MACROD2: variants seen among roughly 807,000 people sequenced by gnomAD.
MACROD2 encodes mono-ADP ribosylhydrolase 2, also known as ADP-ribose glycohydrolase MACROD2.
In MACROD2, 36 loss-of-function variants were observed where a neutral mutation model predicts 70.4. The ratio of observed to expected loss-of-function variants is 0.51; its 90% CI spans 0.39 to 0.68. The LOEUF is 0.68. Ranked by LOEUF, MACROD2 falls within the 30% of genes least tolerant of loss-of-function variation. The probability of loss-of-function intolerance (pLI) is 0.00; values close to 1 mark genes in which losing one functional copy is unlikely to be tolerated. For synonymous variants in MACROD2, 172 were observed against 178.8 expected, an observed-to-expected ratio of 0.96 and a Z score of 0.30; for missense variants, 496 against 538.4, an observed-to-expected ratio of 0.92 and a Z score of 0.78.
intron 3 of MACROD2, among the ~76,000 whole-genome samples, chr20:14,355,565 A>G (rs1215262849): frequency 6.9e-6 from 1 of 145,160 alleles, no homozygotes; most frequent in African/African-American, 2.5e-5. Flanking sequence ...GTAACCATTT[A>G]TGTGGTTTTT....
chr20:14,649,095 C>T (rs1985543672), intron 4 of MACROD2, among the ~76,000 whole-genome samples: 1 of 152,176 alleles, frequency 6.6e-6, no homozygotes, highest in African/African-American at 2.4e-5. Flanking sequence ...TCAGTGTCCT[C>T]CATACTTAGG....
chr20:14,452,399 T>C (rs2084255092), intron 3 of MACROD2, among the ~76,000 whole-genome samples: 1 of 152,102 alleles, frequency 6.6e-6, no homozygotes, highest in African/African-American at 2.4e-5. Flanking sequence ...TTTAATAGAA[T>C]CAGTAATAAT....
At chr20:14,604,017 C>A (rs907683655) in intron 4 of MACROD2, among the ~76,000 whole-genome samples, 1 of 152,126 alleles carries the variant, frequency 6.6e-6, no homozygotes, top group Admixed American at 6.6e-5. Flanking sequence ...CCTTCATTGG[C>A]CACTTGGACC....
chr20:14,231,603 T>C (rs893461563), intron 3 of MACROD2, among the ~76,000 whole-genome samples: 2 of 152,166 alleles, frequency 1.3e-5, no homozygotes, highest in Non-Finnish European at 2.9e-5. Flanking sequence ...TAAACATACG[T>C]GTGCATGTGT....
At chr20:15,652,186 C>T (rs1041631474) in intron 8 of MACROD2, among the ~76,000 whole-genome samples, 2 of 152,116 alleles carry the variant, frequency 1.3e-5, no homozygotes, top group Non-Finnish European at 2.9e-5. Flanking sequence ...TCAAAAAAGG[C>T]CTTTTCTTTA....
At chr20:15,845,288 AG>A (rs1274039823) in intron 8 of MACROD2, among the ~76,000 whole-genome samples, 9 of 152,176 alleles carry the variant, frequency 5.9e-5, no homozygotes, top group Non-Finnish European at 1.2e-4. Context: ...TCCAGGACTG[AG>A]GAATACTCCC....
intron 5 of MACROD2, among the ~76,000 whole-genome samples, chr20:15,049,424 A>G (rs2075421575): frequency 2.6e-5 from 4 of 152,134 alleles, no homozygotes; most frequent in African/African-American, 9.7e-5. Flanking sequence ...TTCAATAACA[A>G]TTCTATCTCA....
At chr20:14,425,081 AC>A (rs2083918705) in intron 3 of MACROD2, among the ~76,000 whole-genome samples, 1 of 152,198 alleles carries the variant, frequency 6.6e-6, no homozygotes, top group African/African-American at 2.4e-5. Flanking sequence ...CTAAATTTAT[AC>A]CTAATGTTTA....
intron 5 of MACROD2, among the ~76,000 whole-genome samples, chr20:15,105,065 A>G (rs571806444): frequency 2.2e-4 from 33 of 152,306 alleles, no homozygotes; most frequent in Non-Finnish European, 3.8e-4. Flanking sequence ...CGCACAACAT[A>G]TAAGTATTAT....
At chr20:14,855,164 G>A (rs2073240900) in intron 5 of MACROD2, among the ~76,000 whole-genome samples, 1 of 152,160 alleles carries the variant, frequency 6.6e-6, no homozygotes, top group Admixed American at 6.5e-5. Flanking sequence ...ATAATAACGT[G>A]TACATTTTTA....
intron 3 of MACROD2, among the ~76,000 whole-genome samples, chr20:14,407,721 G>T (rs1227255484): frequency 1.3e-5 from 2 of 152,148 alleles, no homozygotes; most frequent in African/African-American, 4.8e-5. Flanking sequence ...TTCTGGAAAT[G>T]CAATTTACAA....
At chr20:14,675,039 G>T (rs1278538824) in intron 4 of MACROD2, among the ~76,000 whole-genome samples, 1 of 152,016 alleles carries the variant, frequency 6.6e-6, no homozygotes, top group Non-Finnish European at 1.5e-5. Flanking sequence ...AATCATCTTT[G>T]TAAGACAAGA....
chr20:14,911,345 A>G (rs1377129861), intron 5 of MACROD2, among the ~76,000 whole-genome samples: 1 of 151,986 alleles, frequency 6.6e-6, no homozygotes, highest in Non-Finnish European at 1.5e-5. Context: ...TCTTTTGTAT[A>G]GCTATCAATG....
At chr20:14,204,725 G>T (rs534345050) in intron 3 of MACROD2, among the ~76,000 whole-genome samples, 1 of 152,174 alleles carries the variant, frequency 6.6e-6, no homozygotes, top group Non-Finnish European at 1.5e-5. Flanking sequence ...GAGGTTTCTT[G>T]TCACTTCTGT....
intron 3 of MACROD2, chr20:14,327,634 G>T: frequency 9.3e-7 from 1 of 1,069,698 alleles, no homozygotes; most frequent in Non-Finnish European, 1.3e-6. Context: ...AAACAAATGT[G>T]GAAACTAAAA....
rs539881993 is a variant in MACROD2, at chr20:14,671,719, G to A, written c.302-13124G>A. Among the ~76,000 whole-genome samples the A allele has an allele frequency of 4.2e-4, 64 of 152,302 alleles. 1 individual carries two copies. The highest frequency in any genetic ancestry group is 1.5e-3 in the African/African-American group (61 of 41,570). The stretch of plus-strand genomic sequence containing the variant: ...TCTTCAAATTGACCAACAAGATGAG[G>A]AGGTTCATAACAAGTTATTTTTTAA... On this transcript the variant is annotated intron_variant, in intron 4 of 17. Transcript: ENST00000684519.
chr20:15,957,885 A>G (rs1391683768), intron 12 of MACROD2, among the ~76,000 whole-genome samples: 1 of 152,182 alleles, frequency 6.6e-6, no homozygotes, highest in African/African-American at 2.4e-5. Flanking sequence ...GCCAAGAGGC[A>G]GGGGATGTGC....
At chr20:14,254,681 T>A (rs1229451350) in intron 3 of MACROD2, among the ~76,000 whole-genome samples, 2 of 152,200 alleles carry the variant, frequency 1.3e-5, no homozygotes, top group South Asian at 2.1e-4. Flanking sequence ...TTTTGTTCTA[T>A]CCATATTTTA....
At chr20:14,856,287 C>T (rs2073254858) in intron 5 of MACROD2, among the ~76,000 whole-genome samples, 1 of 152,064 alleles carries the variant, frequency 6.6e-6, no homozygotes, top group South Asian at 2.1e-4. Context: ...TCTGATTTGA[C>T]TTAGTAAAAT....
Sources: allele counts gnomAD v4.1 joint callset (sites outside exome capture counted in the v4.1 genomes callset), GRCh38; gene constraint gnomAD v4.1.1; transcripts MANE v1.5; gene names NCBI Gene and HGNC (gene_info 2026-07-23, HGNC 2026-07-21).